The following LRMDA variants were observed in gnomAD, a reference collection of about 807,000 sequenced individuals.
The protein encoded by LRMDA is leucine-rich melanocyte differentiation-associated protein.
In LRMDA, 18 loss-of-function variants were observed where a neutral mutation model predicts 29.8. The ratio of observed to expected loss-of-function variants is 0.60; its 90% confidence interval spans 0.42 to 0.90. LRMDA has a LOEUF of 0.90. Ranked by LOEUF, LRMDA falls within the 40% of genes least tolerant of loss-of-function variation. The pLI is 0.00. For missense variants in LRMDA, 273 were observed against 273.9 expected (o/e 1.00, Z 0.02); for synonymous variants, 125 against 109.4 (o/e 1.14, Z -0.89).
chr10:76,271,715 A>G (rs1336414461), intron 5 of LRMDA, among the ~76,000 whole-genome samples: 1 of 152,182 alleles, frequency 6.6e-6, no homozygotes, highest in African/African-American at 2.4e-5. Context: ...AACCTAAAGG[A>G]AGATCTAAAT....
chr10:75,836,166 C>T (rs903662961), intron 2 of LRMDA, among the ~76,000 whole-genome samples: 1 of 152,060 alleles, frequency 6.6e-6, no homozygotes, highest in Non-Finnish European at 1.5e-5. Flanking sequence ...GAAGGTTTTC[C>T]GAAGGTCCGT....
At chr10:76,200,284 T>A (rs952558678) in intron 5 of LRMDA, among the ~76,000 whole-genome samples, 1 of 152,170 alleles carries the variant, frequency 6.6e-6, no homozygotes, top group African/African-American at 2.4e-5. Flanking sequence ...TTTTAAAATA[T>A]GGCAGGCATA....
chr10:75,538,175 T>C (rs1023438422), intron 2 of LRMDA, among the ~76,000 whole-genome samples: 3 of 152,174 alleles, frequency 2.0e-5, no homozygotes, highest in African/African-American at 7.2e-5. Context: ...CAGATACTGA[T>C]GAGGCCGCTG....
At chr10:75,483,462 A>G (rs1844874939) in intron 2 of LRMDA, among the ~76,000 whole-genome samples, 2 of 152,216 alleles carry the variant, frequency 1.3e-5, no homozygotes. Context: ...GTTATAGGGA[A>G]GTAATATAGG....
intron 2 of LRMDA, among the ~76,000 whole-genome samples, chr10:75,622,818 A>C (rs1398817305): frequency 1.3e-5 from 2 of 152,208 alleles, no homozygotes; most frequent in Non-Finnish European, 2.9e-5. Context: ...TAAAAATACC[A>C]AGTGAATAAT....
intron 2 of LRMDA, among the ~76,000 whole-genome samples, chr10:75,621,582 A>C (rs1425406241): frequency 6.6e-6 from 1 of 152,180 alleles, no homozygotes; most frequent in Non-Finnish European, 1.5e-5. Flanking sequence ...CTTGGCAGTC[A>C]CTGGGCACAT....
At chr10:76,459,540 G>A (rs1842491299) in intron 6 of LRMDA, among the ~76,000 whole-genome samples, 1 of 152,162 alleles carries the variant, frequency 6.6e-6, no homozygotes, top group Admixed American at 6.5e-5. Flanking sequence ...GCGTTAAATG[G>A]ATTTCATGCT....
chr10:76,426,458 T>C (rs1350710158), intron 6 of LRMDA, among the ~76,000 whole-genome samples: 1 of 152,224 alleles, frequency 6.6e-6, no homozygotes, highest in Non-Finnish European at 1.5e-5. Context: ...TGTTTGTTTT[T>C]TTCTTGTAAA....
intron 2 of LRMDA, among the ~76,000 whole-genome samples, chr10:75,599,632 G>A (rs1840854969): frequency 6.6e-6 from 1 of 152,200 alleles, no homozygotes; most frequent in African/African-American, 2.4e-5. Flanking sequence ...ATAGCATGTA[G>A]ATCCAAGCTG....
At chr10:76,547,391 C>T (rs1843433874) in intron 6 of LRMDA, among the ~76,000 whole-genome samples, 1 of 152,170 alleles carries the variant, frequency 6.6e-6, no homozygotes, top group Non-Finnish European at 1.5e-5. Context: ...TGAAAACCTT[C>T]AGCACAGATT....
At chr10:75,638,438 C>T (rs771641558) in intron 2 of LRMDA, among the ~76,000 whole-genome samples, 9 of 152,212 alleles carry the variant, frequency 5.9e-5, no homozygotes, top group African/African-American at 1.9e-4. Flanking sequence ...GTGTTCCAAA[C>T]GGCTTTGGGG....
chr10:76,541,463 C>T (rs141923610), intron 6 of LRMDA, among the ~76,000 whole-genome samples: 2,241 of 152,174 alleles, frequency 0.015, 61 homozygotes, highest in African/African-American at 0.051. Context: ...ATCGCCCCAC[C>T]GCTCCAGCCA....
At chr10:76,513,892 C>T (rs1159500076) in intron 6 of LRMDA, among the ~76,000 whole-genome samples, 1 of 152,158 alleles carries the variant, frequency 6.6e-6, no homozygotes, top group East Asian at 1.9e-4. Context: ...GTTTGTGACA[C>T]AATGGCACCC....
At chr10:76,007,027 TGTGTGCGC>T (rs1847681077) in intron 2 of LRMDA, among the ~76,000 whole-genome samples, 3 of 27,754 alleles carry the variant, frequency 1.1e-4, no homozygotes, top group South Asian at 2.2e-3. Flanking sequence ...TGTGTGTGTG[TGTGTGCGC>T]GTGTGTGTTT....
At chr10:76,018,916 A>T (rs1847925481) in intron 2 of LRMDA, among the ~76,000 whole-genome samples, 1 of 152,210 alleles carries the variant, frequency 6.6e-6, no homozygotes, top group Non-Finnish European at 1.5e-5. Context: ...CAATCAATGC[A>T]TAATCTTACA....
At chr10:75,596,704 T>C (rs1840793742) in intron 2 of LRMDA, among the ~76,000 whole-genome samples, 1 of 152,210 alleles carries the variant, frequency 6.6e-6, no homozygotes, top group South Asian at 2.1e-4. Context: ...AACGTCCTCC[T>C]TCTAGCTATT....
Position 76,497,148 on chromosome 10 carries a change from C to G in LRMDA, c.602-60061C>G, listed in dbSNP as rs1340270250. Among the ~76,000 whole-genome samples, 3 of 75,724 alleles carry G rather than the reference C, an allele frequency of 4.0e-5. 1 individual carries two copies. Among genetic ancestry groups the G allele is most frequent in the Non-Finnish European group, 8.8e-5 (2 of 22,726 alleles). 49.7% of individuals were successfully genotyped at this position (75,724 alleles called of 152,430 possible). ...TATCTGTTTTCCCTTCACTTACTTC[C>G]TTGTTATCTCTTCACTGGGAGATGT... On this transcript the variant is annotated intron_variant, in intron 6 of 6. Transcript: ENST00000611255.
chr10:75,662,385 C>T (rs7068021), intron 2 of LRMDA, among the ~76,000 whole-genome samples: 4,676 of 152,184 alleles, frequency 0.031, 253 homozygotes, highest in African/African-American at 0.11. Context: ...CTTCGGAAAG[C>T]GACACGGAAA....
chr10:75,555,726 G>A (rs754966474), intron 2 of LRMDA, among the ~76,000 whole-genome samples: 18 of 152,240 alleles, frequency 1.2e-4, no homozygotes, highest in East Asian at 3.9e-4. Flanking sequence ...ACTGCATGAC[G>A]AAACACAATC....
Sources: gnomAD v4.1 joint callset for allele counts (sites outside exome capture counted in the v4.1 genomes callset) on GRCh38, gnomAD v4.1.1 for gene constraint, MANE v1.5 for transcripts, NCBI Gene and HGNC (gene_info 2026-07-23, HGNC 2026-07-21) for gene names.